The following PRR14L variants were observed in gnomAD, a reference collection of about 807,000 sequenced individuals.
PRR14L encodes the protein protein PRR14L.
In PRR14L, 80 loss-of-function variants were observed where a neutral mutation model predicts 155.0. The observed-to-expected ratio is 0.52, with a 90% CI of 0.43 to 0.62. PRR14L has a LOEUF of 0.62. Among genes scored for constraint, PRR14L ranks in the 20% least tolerant of loss-of-function variants. The pLI is 0.00. For synonymous variants in PRR14L, 883 were observed against 916.0 expected (o/e 0.96, Z 0.65); for missense variants, 2,469 against 2,548.0 (o/e 0.97, Z 0.67).
In PRR14L at chr22:31,691,108, C is replaced by T. The variant is rs190376735; in HGVS notation, c.6108-2881G>A. On this transcript the variant is annotated intron_variant, in intron 7 of 8. Coordinates refer to ENST00000327423, the MANE Select transcript of PRR14L (RefSeq NM_173566.3). ...CCTCCCGAGTAGCTGGGATTACAGG[C>T]GCCTACCACCACGCGCGGCTAATTT... 1.3e-3 allele frequency among the ~76,000 whole-genome samples: 193 copies of T among 151,392 alleles called. 2 individuals carry two copies. Among genetic ancestry groups the T allele is most frequent in the Middle Eastern group, 0.01 (3 of 288 alleles).
chr22:31,742,242 G>A (rs947647893), intron 1 of PRR14L, among the ~76,000 whole-genome samples: 1 of 152,086 alleles, frequency 6.6e-6, no homozygotes, highest in African/African-American at 2.4e-5. Context: ...ATCTGATCCT[G>A]CCTACCACAG....
chr22:31,717,274 T>C lies in PRR14L; in HGVS notation c.565A>G (p.Thr189Ala), dbSNP rs892855258. 1.9e-6 allele frequency: 3 copies of C among 1,546,734 alleles called. No homozygotes were observed. Among genetic ancestry groups the C allele is most frequent in the Non-Finnish European group, 2.6e-6 (3 of 1,144,760 alleles). Residue 189 changes from threonine to alanine, a missense_variant, in exon 4 of 9, where the codon ACA becomes GCA. By Grantham distance (58) the Thr-to-Ala change is moderately conservative. This residue lies in a region of PRR14L where 2,363 missense variants were observed against 2,371.6 expected (regional missense o/e 1.00). Coordinates refer to ENST00000327423, the MANE Select transcript of PRR14L (RefSeq NM_173566.3). ...LRSKEGNVQI[T>A]AETLLKSAEV... ...GCGGATTTTAGCAGAGTTTCAGCTG[T>C]AATCTGTACATTTCCTTCTGAATAA...
intron 3 of PRR14L, among the ~76,000 whole-genome samples, chr22:31,724,440 G>A (rs2074706489): frequency 6.6e-6 from 1 of 152,110 alleles, no homozygotes; most frequent in Non-Finnish European, 1.5e-5. Flanking sequence ...TTGCTCTGTT[G>A]CCCAGGATGG....
At chr22:31,708,279 C>T (rs2074602069) in intron 4 of PRR14L, among the ~76,000 whole-genome samples, 1 of 152,082 alleles carries the variant, frequency 6.6e-6, no homozygotes, top group African/African-American at 2.4e-5. Context: ...ATTCAGTTTT[C>T]TGCTAAGATG....
chr22:31,742,446 C>G (rs778538084), intron 1 of PRR14L, among the ~76,000 whole-genome samples: 2 of 151,798 alleles, frequency 1.3e-5, no homozygotes, highest in Non-Finnish European at 2.9e-5. Context: ...CAGCTCACTG[C>G]AATCTCTGCC....
At chr22:31,722,570 T>C (rs1768763139) in intron 3 of PRR14L, among the ~76,000 whole-genome samples, 1 of 149,600 alleles carries the variant, frequency 6.7e-6, no homozygotes, top group Non-Finnish European at 1.5e-5. Flanking sequence ...CTGCCCAGGC[T>C]GGAGTGCAGT....
chr22:31,714,673 C>A lies in PRR14L; in HGVS notation c.3166G>T (p.Val1056Phe). 5 of 1,552,252 alleles carry A rather than the reference C, an allele frequency of 3.2e-6. No homozygotes were observed. Among genetic ancestry groups the A allele is most frequent in the Non-Finnish European group, 4.4e-6 (5 of 1,147,118 alleles). ...AGCTTATTACTACAGTCCGTGTAGA[C>A]GATGTCTACCATACCTTCTGTGGAC... ...DESTEGMVDI[V>F]YTDCSNKLAE... The change falls in exon 4 of 9, where the codon GTC becomes TTC. Residue 1056 changes from valine to phenylalanine, a missense_variant. By Grantham distance (50) the Val-to-Phe change is conservative. Around this residue, in one of 2 missense-constraint regions of PRR14L, gnomAD observed 2,363 missense variants for 2,371.6 expected, o/e 1.00. Coordinates refer to ENST00000327423, the MANE Select transcript of PRR14L (RefSeq NM_173566.3).
At chr22:31,704,892 C>T (rs1273530815) in intron 4 of PRR14L, among the ~76,000 whole-genome samples, 166 bp from the exon 5 acceptor site, 2 of 152,124 alleles carry the variant, frequency 1.3e-5, no homozygotes, top group African/African-American at 4.8e-5. Flanking sequence ...TATTTATGTG[C>T]CCATCACTGG....
chr22:31,706,751 A>C (rs2074594540), intron 4 of PRR14L, among the ~76,000 whole-genome samples: 1 of 152,136 alleles, frequency 6.6e-6, no homozygotes, highest in African/African-American at 2.4e-5. Context: ...GCTTGTTTAG[A>C]AAAACAGCAA....
chr22:31,696,931 A>G (rs1351487922), intron 7 of PRR14L, among the ~76,000 whole-genome samples: 1 of 152,174 alleles, frequency 6.6e-6, no homozygotes, highest in African/African-American at 2.4e-5. Context: ...CTTGGCCAAC[A>G]TGGTGAAACC....
At chr22:31,732,857 C>T (rs1441343130) in intron 2 of PRR14L, among the ~76,000 whole-genome samples, 1 of 152,082 alleles carries the variant, frequency 6.6e-6, no homozygotes. Flanking sequence ...TATGTAAATA[C>T]CTTATGCCAT....
chr22:31,722,869 G>C (rs2074698455), intron 3 of PRR14L, among the ~76,000 whole-genome samples: 5 of 152,150 alleles, frequency 3.3e-5, no homozygotes, highest in African/African-American at 1.2e-4. Flanking sequence ...TAAAGATAAA[G>C]TAGCAGATGC....
rs1240813694 is a variant in PRR14L, at chr22:31,716,474, G to T, written c.1365C>A (p.Asn455Lys). The T allele has an allele frequency of 6.4e-7, 1 of 1,550,518 alleles. No homozygotes were observed. The highest frequency in any genetic ancestry group is 2.0e-5 in the Admixed American group (1 of 50,744). ...AAGAATTGGGCATTAAAGAACTAGA[G>T]TTCCCTGTATGGAGACTGTCTTGAA... ...NCIQDSLHTG[N>K]SSSLMPNSFT... is the part of the protein sequence containing the mutation. Residue 455 changes from asparagine to lysine, a missense_variant, in exon 4 of 9, where the codon AAC (asparagine) becomes AAA (lysine). Physicochemically the swap from Asn to Lys is moderately conservative, Grantham distance 94 (BLOSUM62 0). Around this residue, in one of 2 missense-constraint regions of PRR14L, gnomAD observed 2,363 missense variants for 2,371.6 expected, o/e 1.00. Transcript: ENST00000327423.
chr22:31,726,436 T>C (rs2074717179), intron 2 of PRR14L, among the ~76,000 whole-genome samples: 1 of 151,936 alleles, frequency 6.6e-6, no homozygotes, highest in Non-Finnish European at 1.5e-5. Context: ...CGGCCTAATT[T>C]TTGTATTTTT....
At chr22:31,739,201 G>A (rs1042580797) in intron 1 of PRR14L, among the ~76,000 whole-genome samples, 6 of 152,158 alleles carry the variant, frequency 3.9e-5, no homozygotes, top group Admixed American at 1.3e-4. Flanking sequence ...AATAAGACAT[G>A]CCTAAAGCAT....
chr22:31,714,467 G>A lies in PRR14L; in HGVS notation c.3372C>T (p.Asp1124=). ...CACATGATTTTTTTATTTTGAGAAA[G>A]TCCACTGTAGAAGCAGCAGTAACTG... ...DFPVTAASTV[D]FLKIKKSCEE... The change falls in exon 4 of 9, where the codon GAC becomes GAT. Residue 1124 remains aspartate, a synonymous_variant. Coordinates refer to ENST00000327423, the MANE Select transcript of PRR14L (RefSeq NM_173566.3). 6.4e-7 allele frequency: 1 copy of A among 1,551,888 alleles called. No homozygotes were observed.
intron 7 of PRR14L, among the ~76,000 whole-genome samples, chr22:31,696,825 G>A (rs1054065880): frequency 6.6e-6 from 1 of 151,948 alleles, no homozygotes; most frequent in African/African-American, 2.4e-5. Flanking sequence ...TAGAGATTGG[G>A]TATTAGGGGC....
chr22:31,725,826 G>A (rs939104363), intron 2 of PRR14L, among the ~76,000 whole-genome samples: 5 of 151,966 alleles, frequency 3.3e-5, no homozygotes, highest in East Asian at 1.9e-4. Context: ...CCACTACTAC[G>A]CCTGGCTAAT....
rs1169344422 is a variant in PRR14L at position 31,715,650 on chromosome 22, C to T, written c.2189G>A (p.Cys730Tyr). ...TACTGGTTTGATGTTTAAGGTGGGACAGTTTGAAGAGGCACCACAGGTTTG... is the reference window on the plus strand; with the variant it reads ...TACTGGTTTGATGTTTAAGGTGGGATAGTTTGAAGAGGCACCACAGGTTTG... ...GNQTCGASSNCPTLNIKPVSL... is the reference protein window; with the variant it reads ...GNQTCGASSNYPTLNIKPVSL... The change falls in exon 4 of 9, where the codon TGT (cysteine) becomes TAT (tyrosine). Residue 730 changes from cysteine to tyrosine, a missense_variant. Physicochemically the swap from Cys to Tyr is radical, Grantham distance 194 (BLOSUM62 -2). This residue lies in a region of PRR14L where 2,363 missense variants were observed against 2,371.6 expected (regional missense o/e 1.00). Transcript: ENST00000327423. 10 of 1,552,172 alleles carry T rather than the reference C, an allele frequency of 6.4e-6. No individual in the cohort carries two copies. Among genetic ancestry groups the T allele is most frequent in the Non-Finnish European group, 7.0e-6 (8 of 1,147,060 alleles).
Sources: allele counts gnomAD v4.1 joint callset (sites outside exome capture counted in the v4.1 genomes callset), GRCh38; gene constraint gnomAD v4.1.1; regional missense constraint gnomAD v4.1.1; transcripts MANE v1.5; gene names NCBI Gene and HGNC (gene_info 2026-07-23, HGNC 2026-07-21).